The following RHOU variants were observed in gnomAD, a reference collection of about 807,000 sequenced individuals.
RHOU encodes the protein rho-related GTP-binding protein RhoU.
In RHOU, 8 loss-of-function variants were observed where a neutral mutation model predicts 12.6. That is an observed-to-expected ratio of 0.64 (90% CI 0.37 to 1.15). The LOEUF (loss-of-function observed/expected upper bound fraction) is 1.15, where lower values mean the gene tolerates loss of function less well. RHOU is among the 50% of genes most tolerant of loss of function. The pLI is 0.01. For missense variants in RHOU, 258 were observed against 347.0 expected (o/e 0.74, Z 2.04); for synonymous variants, 161 against 147.4 (o/e 1.09, Z -0.67).
the RHOU span, chr1:228,650,327 G>A: frequency 2.4e-5 from 11 of 464,544 alleles, no homozygotes; most frequent in Middle Eastern, 3.2e-4. Context: ...CTTGGCTGCC[G>A]GCCCTACCTG....
chr1:228,694,461 C>A, the RHOU span, among the ~76,000 whole-genome samples: 2 of 152,128 alleles, frequency 1.3e-5, no homozygotes, highest in Non-Finnish European at 2.9e-5. Context: ...ATTAGCTATT[C>A]TTCCTGATGC....
the RHOU span, among the ~76,000 whole-genome samples, chr1:228,704,296 C>T: frequency 6.6e-6 from 1 of 152,132 alleles, no homozygotes; most frequent in Non-Finnish European, 1.5e-5. Context: ...GGGCACATGT[C>T]AGGAACCCCT....
the RHOU span, among the ~76,000 whole-genome samples, chr1:228,677,152 C>A: frequency 1.3e-4 from 20 of 152,114 alleles, 1 homozygote; most frequent in African/African-American, 4.1e-4. Context: ...GGGAGAGACC[C>A]AACTGAAGAA....
chr1:228,672,344 G>T, the RHOU span, among the ~76,000 whole-genome samples: 2 of 152,108 alleles, frequency 1.3e-5, no homozygotes, highest in Non-Finnish European at 2.9e-5. Flanking sequence ...TGTATTTTTA[G>T]TAGAATTGTT....
At chr1:228,721,250 C>T in the RHOU span, among the ~76,000 whole-genome samples, 5 of 152,196 alleles carry the variant, frequency 3.3e-5, no homozygotes, top group African/African-American at 9.6e-5. Context: ...TGCAGTGAGC[C>T]GAGATGGTGC....
chr1:228,735,856 C>A lies in RHOU; in HGVS notation c.114C>A (p.Gly38=), dbSNP rs775005383. ...RGGRGPGEPG[G]RGRAGGAEGR... ...GACGCGGGCCTGGGGAGCCGGGGGG[C>A]CGGGGGCGTGCGGGGGGTGCCGAGG... is the stretch of plus-strand genomic sequence containing the variant. Residue 38 remains glycine, a synonymous_variant, in exon 1 of 3, where the codon GGC becomes GGA. Transcript: ENST00000366691. The surrounding 1 kb of genome is among the most constrained non-coding windows in gnomAD (Gnocchi z 8.1). The A allele has an allele frequency of 2.2e-6, 3 of 1,393,212 alleles. No individual in the cohort carries two copies. Among genetic ancestry groups the A allele is most frequent in the Admixed American group, 2.9e-5 (1 of 34,004 alleles). The allele number at this position is 1,393,212 out of a possible 1,614,324, so 86.3% of individuals were successfully genotyped here.
the RHOU span, among the ~76,000 whole-genome samples, chr1:228,686,071 T>C: frequency 3.3e-5 from 5 of 152,196 alleles, no homozygotes; most frequent in Non-Finnish European, 5.9e-5. Flanking sequence ...TTTGTATTAG[T>C]CCATTGACCC....
chr1:228,707,197 A>C, the RHOU span, among the ~76,000 whole-genome samples: 3 of 50,262 alleles, frequency 6.0e-5, no homozygotes, highest in African/African-American at 2.0e-4. Context: ...ATATATATAC[A>C]TATATATACA....
chr1:228,670,943 A>T, the RHOU span, among the ~76,000 whole-genome samples: 3 of 152,184 alleles, frequency 2.0e-5, no homozygotes, highest in Non-Finnish European at 4.4e-5. Context: ...TGTCTCCTGT[A>T]CAGCCTACAG....
chr1:228,731,869 C>G (rs1021125235), upstream of RHOU, among the ~76,000 whole-genome samples: 2 of 152,050 alleles, frequency 1.3e-5, no homozygotes, highest in Non-Finnish European at 2.9e-5. Flanking sequence ...ACCCAGTTTT[C>G]AGAATTTTCT....
Position 228,745,655 on chromosome 1 carries a change from A to G in RHOU, c.*1915A>G. 6.6e-6 allele frequency: 1 copy of G among 152,218 alleles called. No homozygotes were observed. The highest frequency in any genetic ancestry group is 1.9e-4 in the East Asian group (1 of 5,198). 9.4% of individuals were successfully genotyped at this position (152,218 alleles called of 1,614,324 possible). A position where few individuals can be genotyped will look rare whatever the true frequency, so the allele number is the denominator to read the frequency against. Reference sequence around the variant, plus strand: ...TTTAGTTACAACCTGAAGGAATAAAATGATTTGTGGAAATGCTTAAAATAG... The same window carrying G: ...TTTAGTTACAACCTGAAGGAATAAAGTGATTTGTGGAAATGCTTAAAATAG... On this transcript the variant is annotated 3_prime_UTR_variant, in exon 3 of 3. Coordinates refer to ENST00000366691, the MANE Select transcript of RHOU (RefSeq NM_021205.6).
At chr1:228,707,766 G>A in the RHOU span, among the ~76,000 whole-genome samples, 1 of 152,168 alleles carries the variant, frequency 6.6e-6, no homozygotes, top group Non-Finnish European at 1.5e-5. Context: ...CTCCTCCAAA[G>A]GAATGCAGTT....
At chr1:228,720,294 A>G in the RHOU span, among the ~76,000 whole-genome samples, 1 of 152,234 alleles carries the variant, frequency 6.6e-6, no homozygotes, top group African/African-American at 2.4e-5. Flanking sequence ...TCCATACATA[A>G]TACATACTAT....
chr1:228,723,601 T>C, the RHOU span, among the ~76,000 whole-genome samples: 3 of 152,176 alleles, frequency 2.0e-5, no homozygotes, highest in Non-Finnish European at 4.4e-5. Context: ...GGCCTGCATT[T>C]GCATATCAAA....
At chr1:228,679,451 G>T in the RHOU span, among the ~76,000 whole-genome samples, 1 of 145,560 alleles carries the variant, frequency 6.9e-6, no homozygotes, top group Non-Finnish European at 1.5e-5. Context: ...GGATTTATGG[G>T]GTCAGCTAGG....
chr1:228,734,764 G>C (rs1389348481), upstream of RHOU, among the ~76,000 whole-genome samples: 3 of 152,142 alleles, frequency 2.0e-5, no homozygotes, highest in East Asian at 1.9e-4. Context: ...AGAGAGAAAT[G>C]AATCAAAGGG....
the RHOU span, among the ~76,000 whole-genome samples, chr1:228,703,480 C>T: frequency 0.16 from 24,684 of 151,142 alleles, 2,190 homozygotes; most frequent in South Asian, 0.23. Flanking sequence ...GAGCTGAGAT[C>T]GCGCCACTGC....
the RHOU span, among the ~76,000 whole-genome samples, chr1:228,656,189 T>C: frequency 6.6e-6 from 1 of 152,212 alleles, no homozygotes; most frequent in Non-Finnish European, 1.5e-5. Context: ...TGTTTGGCTC[T>C]GTTGCCTAGG....
At chr1:228,708,953 G>A in the RHOU span, among the ~76,000 whole-genome samples, 3,978 of 152,208 alleles carry the variant, frequency 0.026, 187 homozygotes, top group African/African-American at 0.09. Context: ...AAAATAAAAG[G>A]ATGGAGGAAG....
Sources: gnomAD v4.1 joint callset for allele counts (sites outside exome capture counted in the v4.1 genomes callset) on GRCh38, gnomAD v4.1.1 for gene constraint, Gnocchi (gnomAD v3.1) non-coding constraint, MANE v1.5 for transcripts, NCBI Gene and HGNC (gene_info 2026-07-23, HGNC 2026-07-21) for gene names.